Variants in FAM163A observed in about 807,000 individuals in gnomAD.
FAM163A encodes family with sequence similarity 163 member A.
A neutral mutation model predicts 12.0 loss-of-function variants in FAM163A; 7 were observed. The ratio of observed to expected loss-of-function variants is 0.58; its 90% confidence interval spans 0.33 to 1.10. The LOEUF (loss-of-function observed/expected upper bound fraction) is 1.10. Among genes scored for constraint, FAM163A ranks in the 50% least tolerant of loss-of-function variants. FAM163A has a pLI of 0.03. For missense variants in FAM163A, 202 were observed against 218.6 expected (o/e 0.92, Z 0.48); for synonymous variants, 101 against 91.0 (o/e 1.11, Z -0.62).
rs546834541 is a variant in FAM163A, at chr1:179,758,387, G to A, written c.-136+14964G>A. On this transcript the variant is annotated intron_variant, in intron 1 of 4. Coordinates refer to ENST00000341785, the MANE Select transcript of FAM163A (RefSeq NM_173509.3). ...TTTCTTTTTCTTTCTGTCTCTATTA[G>A]CAAAGCCGTGCTCAGAGAACATGCT... is the stretch of plus-strand genomic sequence containing the variant. 9.2e-5 allele frequency among the ~76,000 whole-genome samples: 14 copies of A among 152,212 alleles called. No individual in the cohort carries two copies. The East Asian group carries it at 2.7e-3, about 29-fold the overall frequency.
At chr1:179,792,283 T>TGTGTG (rs1553225114) in intron 1 of FAM163A, among the ~76,000 whole-genome samples, 2 of 133,566 alleles carry the variant, frequency 1.5e-5, no homozygotes, top group Non-Finnish European at 3.2e-5. Flanking sequence ...CCATATCTGA[T>TGTGTG]TGTGTGTGTG....
intron 1 of FAM163A, among the ~76,000 whole-genome samples, chr1:179,745,731 A>G (rs1684375880): frequency 6.6e-6 from 1 of 152,070 alleles, no homozygotes; most frequent in Admixed American, 6.5e-5. Context: ...TTATTTCCCC[A>G]TTTTTCGTGT....
Position 179,750,131 on chromosome 1 carries a change from T to C in FAM163A, c.-136+6708T>C, listed in dbSNP as rs561537393. On this transcript the variant is annotated intron_variant, in intron 1 of 4. Transcript: ENST00000341785. Reference sequence around the variant, plus strand: ...CTTATCAAGGACAATATCAGTAGAGTAGTGAGGCCAGAAGCTAGAGGGGGC... The same window carrying C: ...CTTATCAAGGACAATATCAGTAGAGCAGTGAGGCCAGAAGCTAGAGGGGGC... 2.0e-5 allele frequency among the ~76,000 whole-genome samples: 3 copies of C among 151,798 alleles called. No homozygotes were observed. The East Asian group carries it at 5.8e-4, about 29-fold the overall frequency.
chr1:179,734,794 G>A, the FAM163A span, among the ~76,000 whole-genome samples: 6 of 152,280 alleles, frequency 3.9e-5, no homozygotes, highest in Admixed American at 3.3e-4. Context: ...TCCACCAGAT[G>A]AACCTGTCTT....
At position 179,813,973 on chromosome 1, in the gene FAM163A, T is replaced by C. The variant is rs1162062806; in HGVS notation, c.288T>C (p.Thr96=). Residue 96 remains threonine (T), a synonymous_variant, in exon 5 of 5, where the codon ACT becomes ACC. Coordinates refer to ENST00000341785, the MANE Select transcript of FAM163A (RefSeq NM_173509.3). ...GTGGGGTGGCCGCGAGCCACTGCAC[T>C]ACCTGCTCCCCATACAGCTCCCCCT... is the stretch of plus-strand genomic sequence containing the variant. ...QPCGVAASHC[T]TCSPYSSPFY... is the part of the protein sequence containing the mutation. 1.2e-6 allele frequency: 2 copies of C among 1,613,856 alleles called. No individual in the cohort carries two copies. Among genetic ancestry groups the C allele is most frequent in the Admixed American group, 1.7e-5 (1 of 60,006 alleles).
rs752944330 is a variant in FAM163A at position 179,813,914 on chromosome 1, G to A, written c.229G>A (p.Ala77Thr). ...AGCCCTGGACGGCAGAGGCAGCCTGGCGCCTCTCACCAGCGAGCCCTGCAG... is the reference window on the plus strand; with the variant it reads ...AGCCCTGGACGGCAGAGGCAGCCTGACGCCTCTCACCAGCGAGCCCTGCAG... ...SQALDGRGSL[A>T]PLTSEPCSQP... Residue 77 changes from alanine to threonine, a missense_variant, in exon 5 of 5, where the codon GCG becomes ACG. By Grantham distance (58) the Ala-to-Thr change is moderately conservative. Coordinates refer to ENST00000341785, the MANE Select transcript of FAM163A (RefSeq NM_173509.3). 1.9e-6 allele frequency: 3 copies of A among 1,613,812 alleles called. No individual in the cohort carries two copies. In the Admixed American group the frequency reaches 5.0e-5, roughly 27 times the overall value.
chr1:179,776,470 G>A (rs1442354776), intron 1 of FAM163A, among the ~76,000 whole-genome samples: 20 of 149,130 alleles, frequency 1.3e-4, no homozygotes, highest in Admixed American at 1.0e-3. Flanking sequence ...CAGCCAGGAC[G>A]AAAGAGCAAG....
intron 1 of FAM163A, among the ~76,000 whole-genome samples, chr1:179,791,612 A>G (rs1331013191): frequency 2.6e-5 from 4 of 152,244 alleles, no homozygotes; most frequent in Non-Finnish European, 4.4e-5. Context: ...ACATTTCAGC[A>G]TGGAGCTGAT....
chr1:179,770,173 G>A (rs1688083758), intron 1 of FAM163A, among the ~76,000 whole-genome samples: 1 of 151,934 alleles, frequency 6.6e-6, no homozygotes, highest in South Asian at 2.1e-4. Context: ...TCAAAGTGCT[G>A]GGATTACAGG....
chr1:179,738,429 GT>G (rs1376256048), upstream of FAM163A, among the ~76,000 whole-genome samples: 2 of 152,014 alleles, frequency 1.3e-5, no homozygotes, highest in Admixed American at 1.3e-4. Context: ...AAAATATGTA[GT>G]TTTTTGTATC....
At chr1:179,764,269 A>C (rs538706926) in intron 1 of FAM163A, among the ~76,000 whole-genome samples, 1 of 152,206 alleles carries the variant, frequency 6.6e-6, no homozygotes, top group Non-Finnish European at 1.5e-5. Context: ...ATCCACTAGC[A>C]ACAGGCTCTG....
the FAM163A span, among the ~76,000 whole-genome samples, chr1:179,732,299 C>G: frequency 6.6e-6 from 1 of 152,200 alleles, no homozygotes; most frequent in Admixed American, 6.5e-5. Context: ...TCTGGTGACC[C>G]ATGCCAAAAC....
upstream of FAM163A, among the ~76,000 whole-genome samples, chr1:179,740,418 A>C (rs1401854138): frequency 1.3e-5 from 2 of 152,096 alleles, no homozygotes; most frequent in Non-Finnish European, 2.9e-5. Context: ...GGGCTCAAGC[A>C]ATCCTCCCAC....
At chr1:179,807,502 G>T (rs1251129243) in intron 1 of FAM163A, among the ~76,000 whole-genome samples, 2 of 152,188 alleles carry the variant, frequency 1.3e-5, no homozygotes, top group East Asian at 1.9e-4. Flanking sequence ...CCCACTCGCC[G>T]TCACCTCCCA....
intron 1 of FAM163A, among the ~76,000 whole-genome samples, chr1:179,797,865 C>T (rs1257398333): frequency 6.6e-6 from 1 of 152,024 alleles, no homozygotes; most frequent in Non-Finnish European, 1.5e-5. Context: ...ATTACTAAAC[C>T]CCTATGTGGA....
chr1:179,775,973 C>G (rs1252900691), intron 1 of FAM163A, among the ~76,000 whole-genome samples: 2 of 152,092 alleles, frequency 1.3e-5, no homozygotes, highest in Non-Finnish European at 1.5e-5. Flanking sequence ...AATTCAACAG[C>G]AGACAAGCCT....
intron 1 of FAM163A, among the ~76,000 whole-genome samples, chr1:179,777,774 G>A: frequency 6.6e-6 from 1 of 152,156 alleles, no homozygotes; most frequent in East Asian, 1.9e-4. Context: ...TCCTCTCAAG[G>A]CTTAGTGGAA....
rs1695187648 is a variant in FAM163A at position 179,815,101 on chromosome 1, GCGC to G, written c.*913_*915del. The G allele has an allele frequency of 1.2e-5, 1 of 84,152 alleles. No homozygotes were observed. Among genetic ancestry groups the G allele is most frequent in the Non-Finnish European group, 2.2e-5 (1 of 45,320 alleles). 5.2% of individuals were successfully genotyped at this position (84,152 alleles called of 1,614,324 possible). On this transcript the variant is annotated 3_prime_UTR_variant, in exon 5 of 5. Coordinates refer to ENST00000341785, the MANE Select transcript of FAM163A (RefSeq NM_173509.3). The stretch of plus-strand genomic sequence containing the variant: ...ACCGTTCCCAGGTGTACGCACGCGC[GCGC>G]GCGCGCACAGACACACACACACACA...
At chr1:179,776,575 C>T (rs374424840) in intron 1 of FAM163A, among the ~76,000 whole-genome samples, 112 of 152,198 alleles carry the variant, frequency 7.4e-4, no homozygotes, top group African/African-American at 2.6e-3. Flanking sequence ...CTCAGCCCTG[C>T]CTGATAAGGA....
Sources: allele counts gnomAD v4.1 joint callset (sites outside exome capture counted in the v4.1 genomes callset), GRCh38; gene constraint gnomAD v4.1.1; transcripts MANE v1.5; gene names NCBI Gene and HGNC (gene_info 2026-07-23, HGNC 2026-07-21).